FRMPD4: variants seen among roughly 807,000 people sequenced by gnomAD.
The protein encoded by FRMPD4 is FERM and PDZ domain-containing protein 4.
A neutral mutation model predicts 94.1 loss-of-function variants in FRMPD4; 22 were observed. The ratio of observed to expected loss-of-function variants is 0.23; its 90% CI spans 0.17 to 0.33. FRMPD4 has a LOEUF of 0.33. FRMPD4 is among the 10% of genes least tolerant of loss of function. The pLI, the probability that FRMPD4 is intolerant of heterozygous loss-of-function variation, is 1.00. For missense variants in FRMPD4, 1,111 were observed against 1,339.9 expected (o/e 0.83, Z 2.67); for synonymous variants, 631 against 548.6 (o/e 1.15, Z -2.10).
chrX:12,275,048 A>G (rs1017813981), intron 1 of FRMPD4, among the ~76,000 whole-genome samples: 2 of 112,025 alleles, frequency 1.8e-5, no homozygotes, highest in Non-Finnish European at 3.8e-5. Context: ...CTGTAGCCCC[A>G]GATAGAATGT....
At chrX:11,953,691 A>C (rs767187511) in intron 3 of FRMPD4, among the ~76,000 whole-genome samples, 20 of 111,860 alleles carry the variant, frequency 1.8e-4, no homozygotes, top group Admixed American at 2.9e-4. Context: ...AAAGAACCAG[A>C]CATGGGGAGA....
intron 3 of FRMPD4, among the ~76,000 whole-genome samples, chrX:12,067,003 G>A (rs2054926701): frequency 9.1e-6 from 1 of 109,440 alleles, no homozygotes; most frequent in African/African-American, 3.3e-5. Context: ...CCAAGTAGCT[G>A]GGACTACAAG....
chrX:12,707,481 C>T lies in FRMPD4; in HGVS notation c.1300C>T (p.Arg434Cys), dbSNP rs1355766857. 2.5e-6 allele frequency: 3 copies of T among 1,194,515 alleles called. No homozygotes were observed. Among genetic ancestry groups the T allele is most frequent in the South Asian group, 1.9e-5 (1 of 53,895 alleles). Residue 434 changes from arginine (R) to cysteine (C), a missense_variant, in exon 13 of 17, where the codon CGC becomes TGC. By Grantham distance (180) the Arg-to-Cys change is radical. Transcript: ENST00000675598. ...TTCTCTTTCTCAGCAGGCAGAAAAG[C>T]GCTCGGAAGTGACTCTCCTGGTTGG... is the stretch of plus-strand genomic sequence containing the variant. Reference protein sequence around the residue: ...FKATLVQAEKRSEVTLLVGPR... With the variant: ...FKATLVQAEKCSEVTLLVGPR...
At chrX:12,469,868 C>T (rs980185313) in intron 1 of FRMPD4, among the ~76,000 whole-genome samples, 4 of 112,513 alleles carry the variant, frequency 3.6e-5, no homozygotes, top group Admixed American at 1.9e-4. Context: ...AGGTGTCTCA[C>T]CTGTTATTGA....
chrX:12,175,906 T>G (rs759308379), intron 1 of FRMPD4, among the ~76,000 whole-genome samples: 2 of 112,113 alleles, frequency 1.8e-5, no homozygotes, highest in African/African-American at 3.2e-5. Flanking sequence ...TCAAACTTAG[T>G]TTCACATTGA....
At chrX:12,712,557 GTAAA>G (rs771250544) in intron 14 of FRMPD4, among the ~76,000 whole-genome samples, 11 of 110,756 alleles carry the variant, frequency 9.9e-5, no homozygotes, top group Non-Finnish European at 1.5e-4. Flanking sequence ...TCAAAAATAA[GTAAA>G]TAAATAAATT....
In FRMPD4 at chrX:12,720,889, T is replaced by A. The variant is rs1446336407; in HGVS notation, c.4320T>A (p.Ser1440=). ...PGITEAQEAS[S]ERRAELPLGR... Reference sequence around the variant, plus strand: ...TCACAGAAGCACAGGAGGCCAGTTCTGAAAGGCGAGCAGAACTCCCCCTGG... The same window carrying A: ...TCACAGAAGCACAGGAGGCCAGTTCAGAAAGGCGAGCAGAACTCCCCCTGG... Residue 1440 remains serine (S), a synonymous_variant, in exon 17 of 17, where the codon TCT becomes TCA. Coordinates refer to ENST00000675598, the MANE Select transcript of FRMPD4 (RefSeq NM_001368397.1). 6.7e-5 allele frequency: 57 copies of A among 846,645 alleles called. No individual in the cohort carries two copies. Among genetic ancestry groups the A allele is most frequent in the Non-Finnish European group, 7.3e-5 (51 of 697,881 alleles). The allele number at this position is 846,645 out of a possible 1,213,427, so 69.8% of individuals were successfully genotyped here. A position where few individuals can be genotyped will look rare whatever the true frequency, so the allele number is the denominator to read the frequency against.
intron 10 of FRMPD4, 39 bp downstream of exon 10, chrX:12,702,049 T>G (rs1050248192): frequency 2.6e-6 from 3 of 1,171,039 alleles, no homozygotes; most frequent in Non-Finnish European, 3.5e-6. Flanking sequence ...GAGACAGACA[T>G]GCCGCCTCCC....
chrX:12,164,102 T>A (rs1196857373), intron 1 of FRMPD4, among the ~76,000 whole-genome samples: 2 of 110,762 alleles, frequency 1.8e-5, no homozygotes, highest in Non-Finnish European at 3.8e-5. Flanking sequence ...AACGTGCAGG[T>A]TTCTAACATA....
At chrX:12,505,778 C>A (rs754796025) in intron 2 of FRMPD4, among the ~76,000 whole-genome samples, 1 of 102,970 alleles carries the variant, frequency 9.7e-6, no homozygotes, top group African/African-American at 3.6e-5. Context: ...GACGGGAGGG[C>A]TGGTGACAGA....
chrX:12,109,386 G>A (rs1271000317), intron 3 of FRMPD4, among the ~76,000 whole-genome samples: 5 of 111,792 alleles, frequency 4.5e-5, no homozygotes, highest in South Asian at 3.7e-4. Context: ...GAGAACAAAG[G>A]TACAACATAC....
intron 1 of FRMPD4, among the ~76,000 whole-genome samples, chrX:12,264,629 C>T (rs753761692): frequency 1.7e-3 from 187 of 112,395 alleles, no homozygotes; most frequent in South Asian, 0.013. Context: ...TGTTTTCCCA[C>T]AAGACTTTGA....
rs1602384828 is a variant in FRMPD4, at chrX:12,721,855, A to G, written c.5286A>G (p.Lys1762=). 2.7e-6 allele frequency: 2 copies of G among 751,662 alleles called. No homozygotes were observed. The highest frequency in any genetic ancestry group is 1.5e-4 in the East Asian group (1 of 6,669). 61.9% of individuals were successfully genotyped at this position (751,662 alleles called of 1,213,427 possible). A position where few individuals can be genotyped will look rare whatever the true frequency, so the allele number is the denominator to read the frequency against. ...LTRSLKRLLN[K] ...GTTCTCTCAAGAGGCTTTTAAACAAATAAATATGGAAGTCACGTCATAATC... is the reference window on the plus strand; with the variant it reads ...GTTCTCTCAAGAGGCTTTTAAACAAGTAAATATGGAAGTCACGTCATAATC... Residue 1762 remains lysine, a synonymous_variant, in exon 17 of 17, where the codon AAA becomes AAG. Transcript: ENST00000675598.
At chrX:12,519,831 C>T (rs1300149562) in intron 2 of FRMPD4, among the ~76,000 whole-genome samples, 1 of 111,769 alleles carries the variant, frequency 8.9e-6, no homozygotes, top group Non-Finnish European at 1.9e-5. Context: ...CAGGGAAATG[C>T]AAACCAAAAC....
Position 12,718,264 on chromosome X carries a change from A to G in FRMPD4, c.3438A>G (p.Gln1146=). The change falls in exon 16 of 17, where the codon CAA becomes CAG. Residue 1146 remains glutamine (Q), a synonymous_variant. Coordinates refer to ENST00000675598, the MANE Select transcript of FRMPD4 (RefSeq NM_001368397.1). ...GETSDGSGLG[Q]GDRFLTDVTC... ...CCAGTGATGGCTCAGGACTTGGTCA[A>G]GGGGACCGCTTCTTAACTGACGTGA... 1 of 1,211,749 alleles carries G rather than the reference A, an allele frequency of 8.3e-7. No homozygotes were observed. Among genetic ancestry groups the G allele is most frequent in the Middle Eastern group, 2.3e-4 (1 of 4,353 alleles).
intron 3 of FRMPD4, among the ~76,000 whole-genome samples, chrX:11,942,917 G>C (rs1288252658): frequency 8.9e-6 from 1 of 111,781 alleles, no homozygotes; most frequent in Non-Finnish European, 1.9e-5. Context: ...ACTGGTAAAA[G>C]CTACTTTCTG....
chrX:12,594,080 A>C (rs2059006821), intron 2 of FRMPD4, among the ~76,000 whole-genome samples: 1 of 110,213 alleles, frequency 9.1e-6, no homozygotes, highest in African/African-American at 3.3e-5. Context: ...GAATTCTACA[A>C]GTTCTTTATT....
At chrX:12,263,324 G>A (rs2054221955) in intron 1 of FRMPD4, among the ~76,000 whole-genome samples, 1 of 111,525 alleles carries the variant, frequency 9.0e-6, no homozygotes. Context: ...AGAGGTGAGA[G>A]TATGCCTGAC....
intron 3 of FRMPD4, among the ~76,000 whole-genome samples, chrX:12,036,715 A>G (rs1437575800): frequency 3.6e-5 from 4 of 111,937 alleles, no homozygotes; most frequent in Non-Finnish European, 7.5e-5. Context: ...TCACTTGCAT[A>G]GAATTTTGAG....
Sources: gnomAD v4.1 joint callset for allele counts (sites outside exome capture counted in the v4.1 genomes callset) on GRCh38, gnomAD v4.1.1 for gene constraint, MANE v1.5 for transcripts, NCBI Gene and HGNC (gene_info 2026-07-23, HGNC 2026-07-21) for gene names.